Variants in LRRC8B observed in about 807,000 individuals in gnomAD.
LRRC8B encodes the protein volume-regulated anion channel subunit LRRC8B.
In LRRC8B, 23 loss-of-function variants were observed where a neutral mutation model predicts 58.8. The ratio of observed to expected loss-of-function variants is 0.39; its 90% confidence interval spans 0.28 to 0.55. The LOEUF is 0.55. Ranked by LOEUF, LRRC8B falls within the 20% of genes least tolerant of loss-of-function variation. LRRC8B has a pLI of 0.62. For synonymous variants in LRRC8B, 359 were observed against 374.1 expected, an observed-to-expected ratio of 0.96 and a Z score of 0.47; for missense variants, 694 against 936.0, an observed-to-expected ratio of 0.74 and a Z score of 3.37.
chr1:89,579,288 G>A (rs1654061779), intron 3 of LRRC8B, among the ~76,000 whole-genome samples: 1 of 152,206 alleles, frequency 6.6e-6, no homozygotes, highest in South Asian at 2.1e-4. Context: ...GTAATTGAAA[G>A]GAAGTTCAGG....
chr1:89,541,843 C>CTACT lies in LRRC8B; in HGVS notation c.-241+16822_-241+16825dup, dbSNP rs377321477. ...GTCTCCTCCATCTTTTTGCTGACTT[C>CTACT]TACTCTACCACATGCCTGAAGTAGC... is the stretch of plus-strand genomic sequence containing the variant. On this transcript the variant is annotated intron_variant, in intron 1 of 5. Coordinates refer to ENST00000330947, the MANE Select transcript of LRRC8B (RefSeq NM_001369817.2). 1.7e-3 allele frequency among the ~76,000 whole-genome samples: 244 copies of CTACT among 147,224 alleles called. 1 individual carries two copies. The highest frequency in any genetic ancestry group is 5.9e-3 in the African/African-American group (236 of 39,692).
At chr1:89,584,940 T>G in intron 5 of LRRC8B, 151 bp downstream of exon 5, 1 of 578,006 alleles carries the variant, frequency 1.7e-6, no homozygotes, top group Non-Finnish European at 3.0e-6. Context: ...GAGCATCCAT[T>G]TTTAACCTAA....
At chr1:89,539,701 A>G (rs1650812281) in intron 1 of LRRC8B, among the ~76,000 whole-genome samples, 1 of 152,230 alleles carries the variant, frequency 6.6e-6, no homozygotes, top group African/African-American at 2.4e-5. Flanking sequence ...TTCACCAGTC[A>G]TTGATCCTTT....
chr1:89,528,560 A>T (rs544517381), intron 1 of LRRC8B, among the ~76,000 whole-genome samples: 1 of 152,166 alleles, frequency 6.6e-6, no homozygotes, highest in Admixed American at 6.5e-5. Flanking sequence ...TGAGTTGTGG[A>T]TTAGTTAAAA....
At chr1:89,534,148 G>A (rs1038004066) in intron 1 of LRRC8B, among the ~76,000 whole-genome samples, 1 of 151,946 alleles carries the variant, frequency 6.6e-6, no homozygotes, top group Non-Finnish European at 1.5e-5. Flanking sequence ...ATCTCTGAAT[G>A]TTTTTGAGTA....
At chr1:89,525,454 G>GGTCGCTCT (rs1358183526) in intron 1 of LRRC8B, among the ~76,000 whole-genome samples, 2 of 152,228 alleles carry the variant, frequency 1.3e-5, no homozygotes, top group African/African-American at 4.8e-5. Flanking sequence ...GCCCCCATTT[G>GGTCGCTCT]GTCGCTCTGT....
intron 1 of LRRC8B, among the ~76,000 whole-genome samples, chr1:89,562,944 A>G (rs906930389): frequency 6.6e-6 from 1 of 152,218 alleles, no homozygotes; most frequent in African/African-American, 2.4e-5. Flanking sequence ...GGAAGAATTC[A>G]AAGTAACAAA....
intron 1 of LRRC8B, among the ~76,000 whole-genome samples, chr1:89,525,560 T>A (rs1570538322): frequency 6.6e-6 from 1 of 152,208 alleles, no homozygotes; most frequent in South Asian, 2.1e-4. Flanking sequence ...AATTTGGTGG[T>A]GGTGTTGGGC....
At chr1:89,556,504 G>T (rs1652201787) in intron 1 of LRRC8B, among the ~76,000 whole-genome samples, 1 of 151,978 alleles carries the variant, frequency 6.6e-6, no homozygotes. Context: ...ACTTGTGATT[G>T]AGTTTGAAGC....
chr1:89,527,736 A>G (rs1288911260), intron 1 of LRRC8B, among the ~76,000 whole-genome samples: 4 of 152,204 alleles, frequency 2.6e-5, no homozygotes, highest in Non-Finnish European at 5.9e-5. Context: ...AGACATAATA[A>G]CCTATTTTTC....
At chr1:89,536,649 A>G (rs966447935) in intron 1 of LRRC8B, among the ~76,000 whole-genome samples, 1 of 152,218 alleles carries the variant, frequency 6.6e-6, no homozygotes, top group African/African-American at 2.4e-5. Flanking sequence ...GTCATGCAAT[A>G]AAGTGCTATG....
rs753553456 is a variant in LRRC8B at position 89,583,906 on chromosome 1, A to G, written c.1256A>G (p.Gln419Arg). 1.9e-6 allele frequency: 3 copies of G among 1,614,248 alleles called. No homozygotes were observed. The highest frequency in any genetic ancestry group is 1.7e-5 in the Admixed American group (1 of 60,036). ...KLKSKLVKNAQDKIELHLFML... is the reference protein window; with the variant it reads ...KLKSKLVKNARDKIELHLFML... Reference sequence around the variant, plus strand: ...AAAAGTAAGCTTGTGAAAAATGCCCAGGACAAGATAGAACTGCATCTTTTT... The same window carrying G: ...AAAAGTAAGCTTGTGAAAAATGCCCGGGACAAGATAGAACTGCATCTTTTT... Residue 419 changes from glutamine to arginine, a missense_variant, in exon 5 of 6, where the codon CAG becomes CGG. This residue lies in a region of LRRC8B where 162 missense variants were observed against 198.5 expected (regional missense o/e 0.82). Transcript: ENST00000330947. This position sits in a 1 kb window ranked among gnomAD's most constrained non-coding sequence, Gnocchi z 5.2.
intron 1 of LRRC8B, among the ~76,000 whole-genome samples, chr1:89,564,775 AAG>A (rs1429182580): frequency 1.3e-5 from 2 of 152,208 alleles, no homozygotes. Flanking sequence ...AATGCTAAAG[AAG>A]CATGAAGGAC....
chr1:89,596,997 G>A lies in LRRC8B; in HGVS notation c.*3954G>A, dbSNP rs1047527574. 2.0e-5 allele frequency: 3 copies of A among 152,248 alleles called. No individual in the cohort carries two copies. The East Asian group carries it at 5.8e-4, about 29-fold the overall frequency. The allele number at this position is 152,248 out of a possible 1,614,324, so 9.4% of individuals were successfully genotyped here. On this transcript the variant is annotated 3_prime_UTR_variant, in exon 6 of 6. Coordinates refer to ENST00000330947, the MANE Select transcript of LRRC8B (RefSeq NM_001369817.2). ...AGGGAAGGAGTTATTTTGCATCCTA[G>A]TTTGTATTATGAAGTCATCATATAT...
At chr1:89,585,310 G>A (rs1483383472) in intron 5 of LRRC8B, among the ~76,000 whole-genome samples, 2 of 152,170 alleles carry the variant, frequency 1.3e-5, no homozygotes, top group African/African-American at 4.8e-5. Flanking sequence ...CAAAATGAAA[G>A]GCCTGCCTCT....
At chr1:89,548,840 C>T (rs567798763) in intron 1 of LRRC8B, among the ~76,000 whole-genome samples, 1 of 152,270 alleles carries the variant, frequency 6.6e-6, no homozygotes, top group East Asian at 1.9e-4. Flanking sequence ...TTCCTTTGTA[C>T]CAATACCCTT....
Position 89,584,097 on chromosome 1 carries a change from G to T in LRRC8B, c.1447G>T (p.Ala483Ser), listed in dbSNP as rs755116030. The T allele has an allele frequency of 6.2e-7, 1 of 1,613,908 alleles. No homozygotes were observed. Among genetic ancestry groups the T allele is most frequent in the Non-Finnish European group, 8.5e-7 (1 of 1,180,018 alleles). Reference protein sequence around the residue: ...SSLVVDHPALAFLEENLKILR... With the variant: ...SSLVVDHPALSFLEENLKILR... ...TCTGGTCGTAGACCATCCTGCACTG[G>T]CCTTTCTAGAGGAGAATTTAAAAAT... The change falls in exon 5 of 6, where the codon GCC (alanine) becomes TCC (serine). Residue 483 changes from alanine to serine, a missense_variant. This residue lies in a region of LRRC8B where 162 missense variants were observed against 198.5 expected (regional missense o/e 0.82). Coordinates refer to ENST00000330947, the MANE Select transcript of LRRC8B (RefSeq NM_001369817.2).
At chr1:89,576,475 A>G (rs1653857507) in intron 3 of LRRC8B, among the ~76,000 whole-genome samples, 1 of 152,164 alleles carries the variant, frequency 6.6e-6, no homozygotes, top group Non-Finnish European at 1.5e-5. Flanking sequence ...AAAGTGCCCC[A>G]AGAGGTTCTA....
intron 1 of LRRC8B, among the ~76,000 whole-genome samples, chr1:89,554,344 C>T (rs570718273): frequency 1.4e-4 from 22 of 152,258 alleles, no homozygotes; most frequent in African/African-American, 3.4e-4. Flanking sequence ...ATAAATCTTA[C>T]GCATCTTTCT....
Sources: gnomAD v4.1 joint callset for allele counts (sites outside exome capture counted in the v4.1 genomes callset) on GRCh38, gnomAD v4.1.1 for gene constraint, gnomAD v4.1.1 regional missense constraint, Gnocchi (gnomAD v3.1) non-coding constraint, MANE v1.5 for transcripts, NCBI Gene and HGNC (gene_info 2026-07-23, HGNC 2026-07-21) for gene names.